Variants in FBRSL1 observed in about 807,000 individuals in gnomAD.
FBRSL1 encodes fibrosin like 1.
Under a neutral mutation model 89.6 loss-of-function variants are expected in FBRSL1, and 51 were observed. The ratio of observed to expected loss-of-function variants is 0.57; its 90% CI spans 0.45 to 0.72. The LOEUF (loss-of-function observed/expected upper bound fraction) is 0.72. Among genes scored for constraint, FBRSL1 ranks in the 30% least tolerant of loss-of-function variants. The pLI, the probability that FBRSL1 is intolerant of heterozygous loss-of-function variation, is 0.00. For missense variants in FBRSL1, 1,618 were observed against 1,451.8 expected (o/e 1.11, Z -1.86); for synonymous variants, 779 against 681.1 (o/e 1.14, Z -2.24).
intron 1 of FBRSL1, among the ~76,000 whole-genome samples, chr12:132,492,778 G>C (rs995663783): frequency 6.6e-6 from 1 of 152,234 alleles, no homozygotes; most frequent in Non-Finnish European, 1.5e-5. Flanking sequence ...CAGCACCCCA[G>C]GGTGGTTTCA....
intron 4 of FBRSL1, among the ~76,000 whole-genome samples, chr12:132,547,414 G>A (rs982506618): frequency 1.3e-5 from 2 of 152,166 alleles, no homozygotes; most frequent in African/African-American, 2.4e-5. Flanking sequence ...GACAAATGGC[G>A]CTGGCATCGA....
At chr12:132,567,090 T>G (rs1297354644) in intron 5 of FBRSL1, among the ~76,000 whole-genome samples, 1 of 152,158 alleles carries the variant, frequency 6.6e-6, no homozygotes, top group Non-Finnish European at 1.5e-5. Context: ...TCTGGCCTGA[T>G]GGGTGGGGGC....
chr12:132,494,656 T>A (rs2031687950), intron 1 of FBRSL1, among the ~76,000 whole-genome samples: 1 of 152,206 alleles, frequency 6.6e-6, no homozygotes, highest in African/African-American at 2.4e-5. Flanking sequence ...TTTGGTTAAT[T>A]TGCATTTTTC....
At chr12:132,531,955 G>A (rs529675056) in intron 4 of FBRSL1, among the ~76,000 whole-genome samples, 211 of 152,350 alleles carry the variant, frequency 1.4e-3, no homozygotes, top group Non-Finnish European at 2.5e-3. Context: ...CTCAGCCACC[G>A]TCAGTGCTGT....
intron 4 of FBRSL1, among the ~76,000 whole-genome samples, chr12:132,533,431 T>G (rs12826594): frequency 0.33 from 3,862 of 11,650 alleles, 948 homozygotes; most frequent in Middle Eastern, 0.54. Context: ...CCTCTCCCTG[T>G]AGTCAGAGAG....
rs750644955 is a variant in FBRSL1 at position 132,570,058 on chromosome 12, C to T, written c.824C>T (p.Pro275Leu). ...CCCGCGCCCCATGCCGCGCCCTGCC[C>T]GGGGCCCCCGCCCGGCTCCCGCGCC... is the stretch of plus-strand genomic sequence containing the variant. ...ASPAPHAAPC[P>L]GPPPGSRANP... is the part of the protein sequence containing the mutation. Residue 275 changes from proline to leucine, a missense_variant, in exon 7 of 19, where the codon CCG (proline) becomes CTG (leucine). Coordinates refer to ENST00000680143, the MANE Select transcript of FBRSL1 (RefSeq NM_001367871.1). 4.6e-5 allele frequency: 69 copies of T among 1,497,796 alleles called. No individual in the cohort carries two copies. Among genetic ancestry groups the T allele is most frequent in the Admixed American group, 1.6e-4 (7 of 45,090 alleles). The allele number at this position is 1,497,796 out of a possible 1,614,324, so 92.8% of individuals were successfully genotyped here.
intron 1 of FBRSL1, among the ~76,000 whole-genome samples, chr12:132,498,347 G>A (rs967780418): frequency 1.3e-5 from 2 of 152,218 alleles, no homozygotes; most frequent in Non-Finnish European, 2.9e-5. Flanking sequence ...CCCTTGCAGA[G>A]GCGCCGCAGC....
chr12:132,523,567 C>A (rs545697128), intron 2 of FBRSL1, among the ~76,000 whole-genome samples: 1 of 152,118 alleles, frequency 6.6e-6, no homozygotes, highest in Non-Finnish European at 1.5e-5. Flanking sequence ...TGGGTGTTTC[C>A]GACCCACCTC....
intron 15 of FBRSL1, among the ~76,000 whole-genome samples, chr12:132,577,890 C>T (rs2040479958): frequency 2.0e-5 from 3 of 152,232 alleles, no homozygotes; most frequent in South Asian, 4.1e-4. Flanking sequence ...GCACGGTGCA[C>T]GCCTTTCTAC....
chr12:132,505,239 G>T (rs1406677367), intron 1 of FBRSL1, among the ~76,000 whole-genome samples: 3 of 152,218 alleles, frequency 2.0e-5, no homozygotes, highest in African/African-American at 4.8e-5. Context: ...GGTCTCCTTG[G>T]CTTGGTGCAG....
chr12:132,558,553 C>T (rs1469684917), intron 5 of FBRSL1, among the ~76,000 whole-genome samples: 2 of 152,220 alleles, frequency 1.3e-5, no homozygotes, highest in Non-Finnish European at 2.9e-5. Flanking sequence ...AAAGGGAGTA[C>T]GTGTATTTGG....
chr12:132,527,827 G>C lies in FBRSL1; in HGVS notation c.580-126G>C, dbSNP rs979473570. 1.6e-5 allele frequency: 14 copies of C among 870,846 alleles called. No homozygotes were observed. In the African/African-American group the frequency reaches 2.0e-4, roughly 13 times the overall value. 53.9% of individuals were successfully genotyped at this position (870,846 alleles called of 1,614,324 possible). A position where few individuals can be genotyped will look rare whatever the true frequency, so the allele number is the denominator to read the frequency against. On this transcript the variant is annotated intron_variant, in intron 3 of 18. Transcript: ENST00000680143. ...TCGGGTCTGTGGATCTGCGGGGCAG[G>C]GCTGTGAGCTGCAGGGCTGCGGGGC...
intron 15 of FBRSL1, among the ~76,000 whole-genome samples, chr12:132,577,526 T>C (rs1297182785): frequency 6.6e-6 from 1 of 151,952 alleles, no homozygotes; most frequent in Non-Finnish European, 1.5e-5. Context: ...CTAGGAAGGG[T>C]TCCAGGACTT....
intron 2 of FBRSL1, among the ~76,000 whole-genome samples, chr12:132,508,918 G>C (rs1202696358): frequency 6.6e-6 from 1 of 152,178 alleles, no homozygotes; most frequent in African/African-American, 2.4e-5. Context: ...GAGCAGGTGG[G>C]GGCTTCCCCA....
rs1566232389 is a variant in FBRSL1, at chr12:132,572,512, C to T, written c.1435-15C>T. ...GACTTGGGCCCCCCCTCCATCCGCT[C>T]TCCTTCTCTTACAGTTCTTCCCGTC... On this transcript the variant is annotated splice_polypyrimidine_tract_variant and intron_variant, in intron 10 of 18. Coordinates refer to ENST00000680143, the MANE Select transcript of FBRSL1 (RefSeq NM_001367871.1). 1.3e-6 allele frequency: 2 copies of T among 1,545,524 alleles called. No homozygotes were observed. Among genetic ancestry groups the T allele is most frequent in the South Asian group, 1.2e-5 (1 of 83,956 alleles).
intron 5 of FBRSL1, chr12:132,554,550 A>G (rs1391314219): frequency 1.3e-5 from 2 of 152,268 alleles, no homozygotes; most frequent in Non-Finnish European, 2.9e-5. Context: ...GCGGTGACTC[A>G]TGCCTGTAAT....
chr12:132,576,264 C>G (rs1390799792), intron 14 of FBRSL1, among the ~76,000 whole-genome samples: 1 of 151,476 alleles, frequency 6.6e-6, no homozygotes, highest in Non-Finnish European at 1.5e-5. Flanking sequence ...ATGATCTCGG[C>G]TCACTGTAAC....
At chr12:132,573,939 G>A (rs993505277) in intron 11 of FBRSL1, among the ~76,000 whole-genome samples, 151 bp from the exon 12 acceptor site, 1 of 152,178 alleles carries the variant, frequency 6.6e-6, no homozygotes, top group South Asian at 2.1e-4. Flanking sequence ...GTGGTCCTGC[G>A]AGGGAGGGCA....
intron 1 of FBRSL1, among the ~76,000 whole-genome samples, chr12:132,501,532 G>A (rs4883525): frequency 0.28 from 42,786 of 152,120 alleles, 6,150 homozygotes; most frequent in Non-Finnish European, 0.3. Flanking sequence ...TGGTTGGTGC[G>A]CTGGGTGCCC....
Sources: allele counts gnomAD v4.1 joint callset (sites outside exome capture counted in the v4.1 genomes callset), GRCh38; gene constraint gnomAD v4.1.1; transcripts MANE v1.5; gene names NCBI Gene and HGNC (gene_info 2026-07-23, HGNC 2026-07-21).